Variants in GDI2 observed in about 807,000 individuals in gnomAD.
GDI2 encodes GDP dissociation inhibitor 2, also known as rab GDP dissociation inhibitor beta.
In GDI2, 22 loss-of-function variants were observed where a neutral mutation model predicts 54.2. The observed-to-expected ratio is 0.41, with a 90% CI of 0.29 to 0.58. The LOEUF (loss-of-function observed/expected upper bound fraction) is 0.58, where lower values mean the gene tolerates loss of function less well. Ranked by LOEUF, GDI2 falls within the 20% of genes least tolerant of loss-of-function variation. GDI2 has a pLI of 0.35. For missense variants in GDI2, 422 were observed against 546.0 expected, an observed-to-expected ratio of 0.77 and a Z score of 2.26; for synonymous variants, 177 against 182.1, an observed-to-expected ratio of 0.97 and a Z score of 0.23.
rs111237506 is a variant in GDI2, at chr10:5,808,726, T to TACACACACACAC, written c.45+4476_45+4487dup. Among the ~76,000 whole-genome samples, 12 of 138,322 alleles carry TACACACACACAC rather than the reference T, an allele frequency of 8.7e-5. No homozygotes were observed. In the South Asian group the frequency reaches 1.8e-3, roughly 21 times the overall value. 90.7% of individuals were successfully genotyped at this position (138,322 alleles called of 152,430 possible). A position where few individuals can be genotyped will look rare whatever the true frequency, so the allele number is the denominator to read the frequency against. On this transcript the variant is annotated intron_variant, in intron 1 of 10. Transcript: ENST00000380191. ...AAAAAAAAAAAAAAAAAACTACAAA[T>TACACACACACAC]ACACACACACACACACACACACAAA...
Position 5,765,560 on chromosome 10 carries a change from T to C in GDI2, c.*446A>G, listed in dbSNP as rs1206383975. On this transcript the variant is annotated 3_prime_UTR_variant, in exon 11 of 11. Transcript: ENST00000380191. Reference sequence around the variant, plus strand: ...ATAACATTTGACATAATACAAAATATAAAGTCATAGGGAAAACTTCCGGAT... The same window carrying C: ...ATAACATTTGACATAATACAAAATACAAAGTCATAGGGAAAACTTCCGGAT... The C allele has an allele frequency of 6.5e-6, 1 of 153,272 alleles. No individual in the cohort carries two copies. Among genetic ancestry groups the C allele is most frequent in the Non-Finnish European group, 1.5e-5 (1 of 68,900 alleles). The allele number at this position is 153,272 out of a possible 1,614,324, so 9.5% of individuals were successfully genotyped here.
At chr10:5,777,178 T>C (rs1229912448) in intron 6 of GDI2, among the ~76,000 whole-genome samples, 1 of 152,180 alleles carries the variant, frequency 6.6e-6, no homozygotes, top group African/African-American at 2.4e-5. Context: ...AGGGTTAAAA[T>C]GCATAAAAGT....
intron 4 of GDI2, among the ~76,000 whole-genome samples, chr10:5,794,498 G>A (rs1841105107): frequency 6.6e-6 from 1 of 151,904 alleles, no homozygotes; most frequent in Non-Finnish European, 1.5e-5. Context: ...GAGACCCTAT[G>A]TCATAGAGAT....
chr10:5,765,298 G>A lies in GDI2; in HGVS notation c.*708C>T, dbSNP rs1479551516. 2.0e-5 allele frequency: 3 copies of A among 152,676 alleles called. No individual in the cohort carries two copies. Among genetic ancestry groups the A allele is most frequent in the Non-Finnish European group, 4.4e-5 (3 of 68,064 alleles). The allele number at this position is 152,676 out of a possible 1,614,324, so 9.5% of individuals were successfully genotyped here. On this transcript the variant is annotated 3_prime_UTR_variant, in exon 11 of 11. Transcript: ENST00000380191. ...ATTTTGAGACAGAAGTAGAGGCTCTGTCAAGTCAATACTGCATTGCAGCTT... is the reference window on the plus strand; with the variant it reads ...ATTTTGAGACAGAAGTAGAGGCTCTATCAAGTCAATACTGCATTGCAGCTT...
intron 7 of GDI2, among the ~76,000 whole-genome samples, chr10:5,772,524 A>C (rs901405398): frequency 1.3e-4 from 20 of 152,142 alleles, no homozygotes; most frequent in Non-Finnish European, 2.2e-4. Context: ...TGGGAGGCTG[A>C]GGCGGGCGGA....
chr10:5,767,092 C>T (rs191149393), intron 8 of GDI2, among the ~76,000 whole-genome samples: 2 of 152,098 alleles, frequency 1.3e-5, no homozygotes, highest in Admixed American at 1.3e-4. Flanking sequence ...GTTGGCATAA[C>T]GATAGAATTC....
intron 2 of GDI2, among the ~76,000 whole-genome samples, chr10:5,797,704 T>TA (rs1430385129): frequency 6.6e-6 from 1 of 151,156 alleles, no homozygotes; most frequent in African/African-American, 2.5e-5. Flanking sequence ...GGCACCACTG[T>TA]ACTCCAGCCT....
rs539166284 is a variant in GDI2 at position 5,793,435 on chromosome 10, G to A, written c.388+1450C>T. ...CACTACTAACTACCCGCAACTGAAT[G>A]AGAAACTGTTCCTTCCCTTCCCCAA... On this transcript the variant is annotated intron_variant, in intron 4 of 10. Transcript: ENST00000380191. Among the ~76,000 whole-genome samples the A allele has an allele frequency of 1.4e-3, 216 of 152,298 alleles. 1 individual carries two copies. Among genetic ancestry groups the A allele is most frequent in the African/African-American group, 5.0e-3 (207 of 41,556 alleles).
chr10:5,773,100 A>AC (rs1840534084), intron 7 of GDI2, among the ~76,000 whole-genome samples: 1 of 152,092 alleles, frequency 6.6e-6, no homozygotes, highest in Non-Finnish European at 1.5e-5. Context: ...CCCTTACACC[A>AC]CCTACCAAAC....
Position 5,776,359 on chromosome 10 carries a change from G to A in GDI2, c.720-2418C>T, listed in dbSNP as rs1293058854. 9 of 679,318 alleles carry A rather than the reference G, an allele frequency of 1.3e-5. No homozygotes were observed. Among genetic ancestry groups the A allele is most frequent in the Non-Finnish European group, 2.4e-5 (9 of 372,174 alleles). The allele number at this position is 679,318 out of a possible 1,614,324, so 42.1% of individuals were successfully genotyped here. The stretch of plus-strand genomic sequence containing the variant: ...TCTGCTGAGGATGCAGAGAGCCAGA[G>A]CCCCCTTTCTCAGAAGCACAGCCCT... On this transcript the variant is annotated intron_variant, in intron 6 of 10. Coordinates refer to ENST00000380191, the MANE Select transcript of GDI2 (RefSeq NM_001494.4). This position sits in a 1 kb window ranked among gnomAD's most constrained non-coding sequence, Gnocchi z 5.3.
At chr10:5,769,011 G>T (rs112326801) in intron 7 of GDI2, 1 of 152,278 alleles carries the variant, frequency 6.6e-6, no homozygotes, top group Admixed American at 6.5e-5. Context: ...GCATAGCCAG[G>T]CATGGTGGCA....
chr10:5,765,634 G>T lies in GDI2; in HGVS notation c.*372C>A. On this transcript the variant is annotated 3_prime_UTR_variant, in exon 11 of 11. Coordinates refer to ENST00000380191, the MANE Select transcript of GDI2 (RefSeq NM_001494.4). ...CAATTTAGAATCTCCTGAACCTCAA[G>T]AGGACAGATGACACACAACCTGTAT... The T allele has an allele frequency of 6.0e-6, 1 of 165,334 alleles. No individual in the cohort carries two copies. Among genetic ancestry groups the T allele is most frequent in the Non-Finnish European group, 1.3e-5 (1 of 77,546 alleles). 10.2% of individuals were successfully genotyped at this position (165,334 alleles called of 1,614,324 possible). A position where few individuals can be genotyped will look rare whatever the true frequency, so the allele number is the denominator to read the frequency against.
intron 1 of GDI2, among the ~76,000 whole-genome samples, chr10:5,807,015 A>C (rs1010183931): frequency 1.4e-4 from 22 of 152,214 alleles, no homozygotes; most frequent in Non-Finnish European, 2.9e-4. Context: ...AGCTGACAGC[A>C]ACTACCTTCA....
At chr10:5,779,178 T>G (rs180892711) in intron 6 of GDI2, among the ~76,000 whole-genome samples, 44 of 152,268 alleles carry the variant, frequency 2.9e-4, no homozygotes, top group African/African-American at 1.0e-3. Context: ...TTGTTATAAA[T>G]GTACTCAAAA....
intron 1 of GDI2, among the ~76,000 whole-genome samples, chr10:5,807,675 T>C (rs1280329317): frequency 6.6e-6 from 1 of 152,248 alleles, no homozygotes. Flanking sequence ...TGGTTTTTAA[T>C]ATTTAATTGC....
intron 4 of GDI2, among the ~76,000 whole-genome samples, chr10:5,788,274 C>T (rs1325622299): frequency 2.9e-4 from 44 of 151,974 alleles, no homozygotes; most frequent in Admixed American, 2.8e-3. Context: ...TGTGGAATCA[C>T]AGGTGTGAGC....
intron 5 of GDI2, among the ~76,000 whole-genome samples, 189 bp from the exon 6 acceptor site, chr10:5,785,462 C>T (rs2131698187): frequency 6.6e-6 from 1 of 152,320 alleles, no homozygotes; most frequent in South Asian, 2.1e-4. Context: ...ACAACTTCCA[C>T]CTCCCAGGCT....
intron 6 of GDI2, among the ~76,000 whole-genome samples, chr10:5,780,362 G>A (rs527364785): frequency 6.6e-6 from 1 of 150,738 alleles, no homozygotes. Flanking sequence ...GTAAAACTGG[G>A]AACAAAGCAA....
Position 5,776,729 on chromosome 10 carries a change from T to C in GDI2, c.720-2788A>G. ...AGAAACTGCTACAGCCTCTTTAACC[T>C]GGCAGAAGTTTGCAGCAAATACCAG... On this transcript the variant is annotated intron_variant, in intron 6 of 10. Coordinates refer to ENST00000380191, the MANE Select transcript of GDI2 (RefSeq NM_001494.4). This position sits in a 1 kb window ranked among gnomAD's most constrained non-coding sequence, Gnocchi z 5.3. The C allele has an allele frequency of 4.0e-6, 6 of 1,492,002 alleles. No individual in the cohort carries two copies. Among genetic ancestry groups the C allele is most frequent in the Admixed American group, 1.7e-5 (1 of 58,348 alleles). 92.4% of individuals were successfully genotyped at this position (1,492,002 alleles called of 1,614,324 possible).
Sources: gnomAD v4.1 joint callset for allele counts (sites outside exome capture counted in the v4.1 genomes callset) on GRCh38, gnomAD v4.1.1 for gene constraint, Gnocchi (gnomAD v3.1) non-coding constraint, MANE v1.5 for transcripts, NCBI Gene and HGNC (gene_info 2026-07-23, HGNC 2026-07-21) for gene names.